ROBO2: variants seen among roughly 807,000 people sequenced by gnomAD.
The protein encoded by ROBO2 is roundabout homolog 2.
ROBO2 carries 53 observed loss-of-function variants against 160.8 expected under a neutral mutation model. That is an observed-to-expected ratio of 0.33 (90% CI 0.26 to 0.41). The LOEUF is 0.41. Ranked by LOEUF, ROBO2 falls within the 10% of genes least tolerant of loss-of-function variation. The pLI is 1.00. For synonymous variants in ROBO2, 664 were observed against 611.7 expected (o/e 1.09, Z -1.26); for missense variants, 1,577 against 1,722.4 (o/e 0.92, Z 1.49).
At chr3:76,506,880 T>A (rs1041456189) in intron 2 of ROBO2, among the ~76,000 whole-genome samples, 8 of 152,192 alleles carry the variant, frequency 5.3e-5, no homozygotes, top group African/African-American at 1.9e-4. Flanking sequence ...CCTTAAAATA[T>A]ACCTAAAAAT....
intron 6 of ROBO2, among the ~76,000 whole-genome samples, chr3:77,539,711 A>C (rs747892072): frequency 6.6e-6 from 1 of 152,156 alleles, no homozygotes; most frequent in African/African-American, 2.4e-5. Context: ...TATATGCTAA[A>C]TTGTAGACAG....
chr3:76,192,622 G>T (rs1702070446), intron 2 of ROBO2, among the ~76,000 whole-genome samples: 1 of 149,732 alleles, frequency 6.7e-6, no homozygotes, highest in East Asian at 2.0e-4. Context: ...CTCCTGTTAA[G>T]CAGAAGTTGT....
intron 2 of ROBO2, among the ~76,000 whole-genome samples, chr3:76,134,810 T>A (rs79824083): frequency 0.024 from 3,618 of 152,128 alleles, 143 homozygotes; most frequent in African/African-American, 0.073. Flanking sequence ...ACTAGTAAAA[T>A]GAGTATAATA....
At chr3:76,548,884 C>T (rs190175105) in intron 2 of ROBO2, among the ~76,000 whole-genome samples, 24 of 152,206 alleles carry the variant, frequency 1.6e-4, no homozygotes, top group Middle Eastern at 3.4e-3. Context: ...ACACTGCCCC[C>T]ACTCCAGCTC....
At chr3:75,985,415 A>T (rs1458813541) in intron 2 of ROBO2, among the ~76,000 whole-genome samples, 1 of 151,640 alleles carries the variant, frequency 6.6e-6, no homozygotes, top group Non-Finnish European at 1.5e-5. Context: ...TGAATATTAT[A>T]GACAATTGTA....
chr3:76,425,204 T>C (rs1020899610), intron 2 of ROBO2, among the ~76,000 whole-genome samples: 22 of 151,984 alleles, frequency 1.4e-4, no homozygotes, highest in Admixed American at 6.6e-5. Context: ...CTTTTTTTTT[T>C]CTTGATCACC....
intron 2 of ROBO2, among the ~76,000 whole-genome samples, chr3:77,293,021 A>C (rs1221614855): frequency 9.5e-5 from 14 of 147,118 alleles, no homozygotes; most frequent in South Asian, 8.7e-4. Context: ...CTAGATCACC[A>C]AAGACATAAA....
intron 2 of ROBO2, among the ~76,000 whole-genome samples, chr3:77,474,619 G>C (rs2083761467): frequency 6.7e-6 from 1 of 150,146 alleles, no homozygotes; most frequent in Non-Finnish European, 1.5e-5. Context: ...TGAAAATATA[G>C]TTTTCAGTTC....
At chr3:76,866,435 TTCA>T (rs953924004) in intron 2 of ROBO2, among the ~76,000 whole-genome samples, 44 of 152,174 alleles carry the variant, frequency 2.9e-4, no homozygotes, top group South Asian at 1.7e-3. Context: ...CTAGCTTTAT[TTCA>T]TCATCATCAT....
intron 2 of ROBO2, among the ~76,000 whole-genome samples, chr3:76,408,556 G>A (rs1476412986): frequency 1.3e-5 from 2 of 152,012 alleles, no homozygotes; most frequent in African/African-American, 4.8e-5. Context: ...ATTCATTTCA[G>A]TAAGAGAAAG....
chr3:77,222,746 G>A (rs2085986522), intron 2 of ROBO2, among the ~76,000 whole-genome samples: 1 of 152,104 alleles, frequency 6.6e-6, no homozygotes, highest in African/African-American at 2.4e-5. Context: ...CTAGTGATAA[G>A]ACAGAATGGT....
intron 2 of ROBO2, among the ~76,000 whole-genome samples, chr3:77,102,708 C>G (rs187296253): frequency 1.3e-5 from 2 of 152,140 alleles, no homozygotes; most frequent in Admixed American, 1.3e-4. Context: ...CTTTACCATA[C>G]TGCATTCATT....
chr3:76,718,209 T>G (rs762004238), intron 2 of ROBO2, among the ~76,000 whole-genome samples: 1 of 152,188 alleles, frequency 6.6e-6, no homozygotes. Flanking sequence ...GTGACATCCA[T>G]CTAATTGTCA....
chr3:76,657,650 ATATATTCATATATATGTG>A, intron 2 of ROBO2, among the ~76,000 whole-genome samples: 1 of 138,854 alleles, frequency 7.2e-6, no homozygotes, highest in African/African-American at 2.9e-5. Flanking sequence ...ATATGTGTAT[ATATATTCATATATATGTG>A]TATATATATA....
In ROBO2 at chr3:76,727,602, G is replaced by A. The variant is rs546267559; in HGVS notation, c.110-370412G>A. Among the ~76,000 whole-genome samples, 162 of 152,206 alleles carry A rather than the reference G, an allele frequency of 1.1e-3. No individual in the cohort carries two copies. The Middle Eastern group carries it at 0.017, about 16-fold the overall frequency. On this transcript the variant is annotated intron_variant, in intron 2 of 26. Coordinates refer to the ROBO2 transcript ENST00000487694. ...GAAATTCTGGTATTTCCAACAAGGC[G>A]CATGGAACTGGAAGTCATGATATGT...
At chr3:76,272,763 T>A (rs1295871954) in intron 2 of ROBO2, among the ~76,000 whole-genome samples, 1 of 45,904 alleles carries the variant, frequency 2.2e-5, no homozygotes, top group Non-Finnish European at 4.3e-5. Context: ...AAATATATAA[T>A]ATATATTTAT....
chr3:75,955,344 A>C (rs1177643126), intron 2 of ROBO2, among the ~76,000 whole-genome samples: 1 of 151,778 alleles, frequency 6.6e-6, no homozygotes, highest in East Asian at 1.9e-4. Flanking sequence ...ATAGAATATA[A>C]ATTTCTTTGC....
At chr3:76,522,321 G>A (rs2107905961) in intron 2 of ROBO2, among the ~76,000 whole-genome samples, 1 of 152,180 alleles carries the variant, frequency 6.6e-6, no homozygotes, top group South Asian at 2.1e-4. Context: ...ATTACCCTAT[G>A]TTTTGGGATT....
rs184521612 is a variant in ROBO2 at position 77,256,700 on chromosome 3, C to A, written c.388+158360C>A. On this transcript the variant is annotated intron_variant, in intron 2 of 25. Coordinates refer to ENST00000461745, the Ensembl canonical transcript of ROBO2. ...AAGGAGGAAAGAGGAAAAGCCTATT[C>A]CCAAGAGAGGCTTCTGCGAAGAGCA... Among the ~76,000 whole-genome samples, 4 of 152,272 alleles carry A rather than the reference C, an allele frequency of 2.6e-5. No homozygotes were observed. The East Asian group carries it at 7.7e-4, about 29-fold the overall frequency.
Sources: allele counts gnomAD v4.1 joint callset (sites outside exome capture counted in the v4.1 genomes callset), GRCh38; gene constraint gnomAD v4.1.1; transcripts MANE v1.5; gene names NCBI Gene and HGNC (gene_info 2026-07-23, HGNC 2026-07-21).